PKP2: variants seen among roughly 807,000 people sequenced by gnomAD.
PKP2 encodes plakophilin-2.
PKP2 carries 73 observed loss-of-function variants against 83.4 expected under a neutral mutation model. The observed-to-expected ratio is 0.88, with a 90% CI of 0.72 to 1.06. The LOEUF is 1.06. Among genes scored for constraint, PKP2 ranks in the 50% least tolerant of loss-of-function variants. The probability of loss-of-function intolerance (pLI) is 0.00; values close to 1 mark genes in which losing one functional copy is unlikely to be tolerated. For missense variants in PKP2, 966 were observed against 1,065.4 expected (o/e 0.91, Z 1.30); for synonymous variants, 409 against 430.4 (o/e 0.95, Z 0.62).
chr12:32,861,757 A>G (rs912223113), intron 4 of PKP2, among the ~76,000 whole-genome samples: 2 of 152,260 alleles, frequency 1.3e-5, no homozygotes, highest in East Asian at 1.9e-4. Flanking sequence ...GATCAACACC[A>G]GTAAGAAAGA....
intron 1 of PKP2, among the ~76,000 whole-genome samples, chr12:32,883,955 T>A (rs966770435): frequency 3.3e-5 from 5 of 152,146 alleles, no homozygotes; most frequent in Non-Finnish European, 1.5e-5. Flanking sequence ...CCTTCTCCCT[T>A]GAAGCAGACC....
intron 1 of PKP2, among the ~76,000 whole-genome samples, chr12:32,895,456 CA>C: frequency 6.6e-6 from 1 of 152,178 alleles, no homozygotes; most frequent in South Asian, 2.1e-4. Context: ...CTACATTCGC[CA>C]ATGCCCAAGT....
intron 1 of PKP2, among the ~76,000 whole-genome samples, chr12:32,888,567 G>A (rs1370752674): frequency 3.3e-5 from 5 of 150,916 alleles, no homozygotes; most frequent in East Asian, 2.0e-4. Context: ...TCGGCTCACC[G>A]CAACCTCCAC....
At chr12:32,884,014 C>T (rs1308304939) in intron 1 of PKP2, among the ~76,000 whole-genome samples, 1 of 152,108 alleles carries the variant, frequency 6.6e-6, no homozygotes, top group Non-Finnish European at 1.5e-5. Flanking sequence ...AGACTCATTC[C>T]AGAAGGATCC....
intron 9 of PKP2, among the ~76,000 whole-genome samples, chr12:32,808,301 C>G (rs989150457): frequency 1.3e-5 from 2 of 152,168 alleles, no homozygotes; most frequent in Non-Finnish European, 2.9e-5. Flanking sequence ...ATCCTTTCCT[C>G]CACTTGGTCT....
intron 9 of PKP2, among the ~76,000 whole-genome samples, chr12:32,807,747 T>C (rs1956239758): frequency 6.6e-6 from 1 of 152,188 alleles, no homozygotes; most frequent in Non-Finnish European, 1.5e-5. Flanking sequence ...CCTCAACATT[T>C]GCTTGTCTGA....
Position 32,896,580 on chromosome 12 carries a change from ACTGT to A in PKP2, c.148_151del (p.Thr50SerfsTer61), listed in dbSNP as rs397516997. 3.2e-5 allele frequency: 51 copies of A among 1,589,620 alleles called. No individual in the cohort carries two copies. The highest frequency in any genetic ancestry group is 6.8e-5 in the East Asian group (3 of 44,204). On this transcript the variant is annotated frameshift_variant, in exon 1 of 13. Transcript: ENST00000340811. LOFTEE classifies it high-confidence loss of function. ...CTGCTCCTGGATCCGCAGGCTCTTG[ACTGT>A]CTGGCCGCCGCGGCCGCTGCTCCCC...
chr12:32,871,800 A>G (rs1047404220), intron 3 of PKP2, among the ~76,000 whole-genome samples: 4 of 151,844 alleles, frequency 2.6e-5, no homozygotes, highest in African/African-American at 9.7e-5. Flanking sequence ...AGGCCTCCCT[A>G]TATTGCCCAG....
intron 11 of PKP2, among the ~76,000 whole-genome samples, chr12:32,793,728 T>C (rs1408880224): frequency 6.7e-6 from 1 of 148,310 alleles, no homozygotes; most frequent in Non-Finnish European, 1.5e-5. Context: ...CCGAAGTAGC[T>C]GGGACTACAG....
At chr12:32,828,519 A>AT (rs1390190095) in intron 6 of PKP2, among the ~76,000 whole-genome samples, 1 of 152,210 alleles carries the variant, frequency 6.6e-6, no homozygotes, top group Non-Finnish European at 1.5e-5. Context: ...ATGATCTGTA[A>AT]TTTTCACAAA....
Position 32,878,558 on chromosome 12 carries a change from A to G in PKP2, c.337-15T>C. ...GTTGTGCCAGCCTGCACATGAGAGA[A>G]ATAAAGTTTAAAGGGGGCATAAATC... On this transcript the variant is annotated splice_polypyrimidine_tract_variant and intron_variant, in intron 2 of 12. Coordinates refer to ENST00000340811, the MANE Select transcript of PKP2 (RefSeq NM_001005242.3). 6.2e-7 allele frequency: 1 copy of G among 1,602,694 alleles called. No individual in the cohort carries two copies. Among genetic ancestry groups the G allele is most frequent in the Non-Finnish European group, 8.5e-7 (1 of 1,173,256 alleles).
chr12:32,792,711 C>A lies in PKP2; in HGVS notation c.2378G>T (p.Ser793Ile). 1 of 1,614,062 alleles carries A rather than the reference C, an allele frequency of 6.2e-7. No homozygotes were observed. Among genetic ancestry groups the A allele is most frequent in the Non-Finnish European group, 8.5e-7 (1 of 1,179,966 alleles). Reference sequence around the variant, plus strand: ...ATACAGAAGGACGGAAGCAGCTTTACTTGCTTTGTTGGAGGCATAGCTGAA... The same window carrying A: ...ATACAGAAGGACGGAAGCAGCTTTAATTGCTTTGTTGGAGGCATAGCTGAA... ...AGDAYASNKA[S>I]KAASVLLYSL... Residue 793 changes from serine (S) to isoleucine (I), a missense_variant, in exon 12 of 13, where the codon AGT becomes ATT. By Grantham distance (142) the Ser-to-Ile change is moderately radical. Coordinates refer to ENST00000340811, the MANE Select transcript of PKP2 (RefSeq NM_001005242.3).
intron 3 of PKP2, among the ~76,000 whole-genome samples, chr12:32,875,376 TA>T (rs1431426595): frequency 6.6e-6 from 1 of 152,094 alleles, no homozygotes. Flanking sequence ...TGAATATGGA[TA>T]AATATCTTGC....
chr12:32,811,013 T>G (rs1956272225), intron 9 of PKP2, among the ~76,000 whole-genome samples: 1 of 152,368 alleles, frequency 6.6e-6, no homozygotes, highest in East Asian at 1.9e-4. Flanking sequence ...GAATTTCAGC[T>G]GGGAGATGAG....
At chr12:32,871,692 C>T (rs991250585) in intron 3 of PKP2, among the ~76,000 whole-genome samples, 4 of 152,132 alleles carry the variant, frequency 2.6e-5, no homozygotes, top group South Asian at 4.1e-4. Flanking sequence ...TCTCGAACTC[C>T]TGACCTCGTG....
intron 4 of PKP2, 142 bp from the exon 5 acceptor site, chr12:32,851,115 C>G (rs1956693363): frequency 2.8e-6 from 2 of 717,440 alleles, no homozygotes; most frequent in Admixed American, 4.2e-5. Context: ...AACTGAGGCT[C>G]TTGTAGAATA....
intron 6 of PKP2, among the ~76,000 whole-genome samples, chr12:32,838,667 A>C (rs1411594136): frequency 6.6e-6 from 1 of 152,210 alleles, no homozygotes; most frequent in African/African-American, 2.4e-5. Context: ...CATTTTATTC[A>C]AATACCTTGC....
intron 5 of PKP2, among the ~76,000 whole-genome samples, chr12:32,849,005 T>TAA (rs397850139): frequency 0.036 from 4,409 of 122,928 alleles, 177 homozygotes; most frequent in African/African-American, 0.11. Flanking sequence ...ATTACACAGT[T>TAA]AAAAAAAAAA....
At chr12:32,875,139 A>T (rs1024688260) in intron 3 of PKP2, among the ~76,000 whole-genome samples, 2 of 152,188 alleles carry the variant, frequency 1.3e-5, no homozygotes, top group African/African-American at 4.8e-5. Context: ...CAAAAATCTC[A>T]AAGTCCAGAG....
Sources: gnomAD v4.1 joint callset for allele counts (sites outside exome capture counted in the v4.1 genomes callset) on GRCh38, gnomAD v4.1.1 for gene constraint, MANE v1.5 for transcripts, NCBI Gene and HGNC (gene_info 2026-07-23, HGNC 2026-07-21) for gene names.